LBP: variants seen among roughly 807,000 people sequenced by gnomAD.
The protein encoded by LBP is lipopolysaccharide-binding protein.
In LBP, 53 loss-of-function variants were observed where a neutral mutation model predicts 56.6. The observed-to-expected ratio is 0.94, with a 90% confidence interval of 0.75 to 1.18. The LOEUF (loss-of-function observed/expected upper bound fraction) is 1.18, where lower values mean the gene tolerates loss of function less well. Ranked by LOEUF, LBP falls within the 50% of genes most tolerant of loss-of-function variation. The pLI, the probability that LBP is intolerant of heterozygous loss-of-function variation, is 0.00. For synonymous variants in LBP, 227 were observed against 247.5 expected, an observed-to-expected ratio of 0.92 and a Z score of 0.78; for missense variants, 601 against 598.3, an observed-to-expected ratio of 1.00 and a Z score of -0.05.
At chr20:38,372,017 C>A (rs1475612404) in intron 12 of LBP, among the ~76,000 whole-genome samples, 1 of 152,190 alleles carries the variant, frequency 6.6e-6, no homozygotes, top group South Asian at 2.1e-4. Context: ...GGAAAATAGA[C>A]TCCGTTATCA....
chr20:38,355,928 TGTC>T (rs2076837341), intron 5 of LBP, among the ~76,000 whole-genome samples: 3 of 151,858 alleles, frequency 2.0e-5, no homozygotes, highest in Admixed American at 1.3e-4. Context: ...ATCAAAAAGA[TGTC>T]GTGTTAACTT....
chr20:38,361,217 C>G (rs929522887), intron 6 of LBP, among the ~76,000 whole-genome samples: 1 of 151,746 alleles, frequency 6.6e-6, no homozygotes, highest in African/African-American at 2.4e-5. Flanking sequence ...TTTTCTCCCC[C>G]ACTTTTCTTC....
intron 6 of LBP, among the ~76,000 whole-genome samples, chr20:38,363,650 T>C (rs1390739990): frequency 6.6e-6 from 1 of 152,122 alleles, no homozygotes; most frequent in Non-Finnish European, 1.5e-5. Context: ...CTGACCTTCC[T>C]GGTTATTGGC....
Position 38,366,868 on chromosome 20 carries a change from C to T in LBP, c.981+40C>T, listed in dbSNP as rs191203059. 2.1e-5 allele frequency: 33 copies of T among 1,555,198 alleles called. No individual in the cohort carries two copies. The East Asian group carries it at 7.4e-4, about 35-fold the overall frequency. ...AGTTCCCCATGAGTGCAGACCGAGC[C>T]TACTAGACTCCAGAGGTTTCTCTTT... On this transcript the variant is annotated intron_variant, in intron 9 of 14. Coordinates refer to ENST00000217407, the MANE Select transcript of LBP (RefSeq NM_004139.5).
In LBP at chr20:38,370,754, C is replaced by T; in HGVS notation, c.1166C>T (p.Ala389Val). The T allele has an allele frequency of 6.2e-7, 1 of 1,614,144 alleles. No homozygotes were observed. The highest frequency in any genetic ancestry group is 1.1e-5 in the South Asian group (1 of 91,072). The change falls in exon 11 of 15, where the codon GCC (alanine) becomes GTC (valine). Residue 389 changes from alanine (A) to valine (V), a missense_variant. Physicochemically the swap from Ala to Val is moderately conservative, Grantham distance 64. Coordinates refer to ENST00000217407, the MANE Select transcript of LBP (RefSeq NM_004139.5). ...FRLSVATNVSATLTFNTSKIT... is the reference protein window; with the variant it reads ...FRLSVATNVSVTLTFNTSKIT... ...CATTTCCAGGCCACTAATGTGTCCG[C>T]CACCTTGACCTTCAATACCAGCAAG... is the stretch of plus-strand genomic sequence containing the variant.
chr20:38,374,860 T>G (rs886906326), intron 14 of LBP, among the ~76,000 whole-genome samples: 1 of 149,932 alleles, frequency 6.7e-6, no homozygotes, highest in Non-Finnish European at 1.5e-5. Context: ...CTTGGCTTAC[T>G]GCAACCTCTG....
chr20:38,357,867 A>G (rs1802995663), intron 5 of LBP, among the ~76,000 whole-genome samples: 1 of 152,190 alleles, frequency 6.6e-6, no homozygotes, highest in South Asian at 2.1e-4. Context: ...TGGCATTTGT[A>G]AACTGTCTTG....
intron 9 of LBP, 71 bp from the exon 10 acceptor site, chr20:38,368,924 C>A: frequency 2.1e-6 from 3 of 1,452,260 alleles, no homozygotes; most frequent in Non-Finnish European, 2.9e-6. Context: ...CTTTATCTGA[C>A]TCCCTCAGGC....
rs1368840106 is a variant in LBP at position 38,362,467 on chromosome 20, G to T, written c.653-1508G>T. On this transcript the variant is annotated intron_variant, in intron 6 of 14. Transcript: ENST00000217407. ...GTCTCTACTAAAAATACAAAAATTA[G>T]CCAGGTGCCGTGGTGGATGCCTGTA... 2.0e-5 allele frequency among the ~76,000 whole-genome samples: 3 copies of T among 151,146 alleles called. No homozygotes were observed. In the South Asian group the frequency reaches 6.3e-4, roughly 32 times the overall value.
At chr20:38,355,499 G>C in intron 5 of LBP, 90 bp downstream of exon 5, 1 of 1,192,444 alleles carries the variant, frequency 8.4e-7, no homozygotes, top group Non-Finnish European at 1.2e-6. Flanking sequence ...CCAGGCCATG[G>C]GGGCTGGTTT....
chr20:38,365,292 GCTTA>G (rs2122616861), intron 8 of LBP, among the ~76,000 whole-genome samples: 1 of 150,030 alleles, frequency 6.7e-6, no homozygotes, highest in East Asian at 2.0e-4. Flanking sequence ...AGACTTTGCA[GCTTA>G]CTTATCTGTG....
intron 10 of LBP, among the ~76,000 whole-genome samples, chr20:38,370,384 A>T (rs921756581): frequency 5.3e-5 from 8 of 152,130 alleles, no homozygotes; most frequent in Non-Finnish European, 7.3e-5. Flanking sequence ...CTAAAACAAT[A>T]ATAATAATTT....
rs1440861380 is a variant in LBP, at chr20:38,373,136, G to GT, written c.1324+2dup. 2 of 1,612,526 alleles carry GT rather than the reference G, an allele frequency of 1.2e-6. No homozygotes were observed. Among genetic ancestry groups the GT allele is most frequent in the East Asian group, 2.2e-5 (1 of 44,888 alleles). On this transcript the variant is annotated splice_donor_variant, in intron 13 of 14. Transcript: ENST00000217407. LOFTEE classifies it high-confidence loss of function. ...AACACCTTCTACCCCAAGTTCAATGGTAAGAATCACTGTGGATTTTTCCAA... is the reference window on the plus strand; with the variant it reads ...AACACCTTCTACCCCAAGTTCAATGGTTAAGAATCACTGTGGATTTTTCCAA...
chr20:38,362,749 GC>G (rs1269401180), intron 6 of LBP, among the ~76,000 whole-genome samples: 8 of 150,904 alleles, frequency 5.3e-5, no homozygotes, highest in Non-Finnish European at 1.2e-4. Flanking sequence ...GGAGTTCAAG[GC>G]CAGCCCGGGC....
intron 6 of LBP, 59 bp from the exon 7 acceptor site, chr20:38,363,916 C>A: frequency 8.0e-7 from 1 of 1,257,726 alleles, no homozygotes; most frequent in South Asian, 1.2e-5. Flanking sequence ...GCCCTTGCCC[C>A]TCCTCCAGCA....
In LBP at chr20:38,364,393, G is replaced by A. The variant is rs2298267; in HGVS notation, c.745-183G>A. On this transcript the variant is annotated intron_variant, in intron 7 of 14. Transcript: ENST00000217407. Reference sequence around the variant, plus strand: ...ATAGAGGGGCTGGCCAGGACTTCCTGTGGGTTAATGTAGCAAAGCTTCTGG... The same window carrying A: ...ATAGAGGGGCTGGCCAGGACTTCCTATGGGTTAATGTAGCAAAGCTTCTGG... Among the ~76,000 whole-genome samples, 4,244 of 152,258 alleles carry A rather than the reference G, an allele frequency of 0.028. 428 individuals carry two copies. In the East Asian group the frequency reaches 0.37, roughly 13 times the overall value.
chr20:38,374,159 C>T lies in LBP; in HGVS notation c.1401+146C>T, dbSNP rs549446618. ...AGGGGCAGGACGGGTGCTCCTGGGC[C>T]TTGCCATATGCCACAAAGCCATCCA... On this transcript the variant is annotated intron_variant, in intron 14 of 14. Transcript: ENST00000217407. 5.4e-5 allele frequency: 40 copies of T among 740,622 alleles called. No individual in the cohort carries two copies. In the African/African-American group the frequency reaches 7.0e-4, roughly 13 times the overall value. 45.9% of individuals were successfully genotyped at this position (740,622 alleles called of 1,614,324 possible). A position where few individuals can be genotyped will look rare whatever the true frequency, so the allele number is the denominator to read the frequency against.
Position 38,346,608 on chromosome 20 carries a change from T to G in LBP, c.92T>G (p.Val31Gly). ...PEALGANPGL[V>G]ARITDKGLQY... ...GCTCTGGGTGCCAACCCCGGCTTGG[T>G]CGCCAGGATCACCGACAAGGGACTG... is the stretch of plus-strand genomic sequence containing the variant. Residue 31 changes from valine to glycine, a missense_variant, in exon 1 of 15, where the codon GTC (valine) becomes GGC (glycine). By Grantham distance (109) the Val-to-Gly change is moderately radical. Transcript: ENST00000217407. The G allele has an allele frequency of 6.2e-7, 1 of 1,613,580 alleles. No individual in the cohort carries two copies. Among genetic ancestry groups the G allele is most frequent in the Non-Finnish European group, 8.5e-7 (1 of 1,179,994 alleles).
intron 3 of LBP, among the ~76,000 whole-genome samples, chr20:38,353,112 G>A (rs1362039298): frequency 6.6e-6 from 1 of 152,000 alleles, no homozygotes; most frequent in East Asian, 1.9e-4. Flanking sequence ...CTTTCTATGG[G>A]CATATGACTA....
Sources: allele counts gnomAD v4.1 joint callset (sites outside exome capture counted in the v4.1 genomes callset), GRCh38; gene constraint gnomAD v4.1.1; transcripts MANE v1.5; gene names NCBI Gene and HGNC (gene_info 2026-07-23, HGNC 2026-07-21).